The following ADAMTS9 variants were observed in gnomAD, a reference collection of about 807,000 sequenced individuals.
The protein encoded by ADAMTS9 is A disintegrin and metalloproteinase with thrombospondin motifs 9.
In ADAMTS9, 107 loss-of-function variants were observed where a neutral mutation model predicts 257.1. That is an observed-to-expected ratio of 0.42 (90% confidence interval 0.36 to 0.49). ADAMTS9 has a LOEUF of 0.49. Among genes scored for constraint, ADAMTS9 ranks in the 20% least tolerant of loss-of-function variants. The pLI, the probability that ADAMTS9 is intolerant of heterozygous loss-of-function variation, is 0.03. For missense variants in ADAMTS9, 2,353 were observed against 2,469.1 expected (o/e 0.95, Z 1.00); for synonymous variants, 982 against 880.9 (o/e 1.11, Z -2.03).
chr3:64,525,896 A>T (rs948142370), intron 38 of ADAMTS9, among the ~76,000 whole-genome samples: 11 of 148,928 alleles, frequency 7.4e-5, no homozygotes, highest in South Asian at 2.1e-4. Context: ...GCCAAGTTAT[A>T]GTATTTAATA....
At position 64,647,972 on chromosome 3, in the gene ADAMTS9, A is replaced by G; in HGVS notation, c.1678T>C (p.Trp560Arg). Reference protein sequence around the residue: ...HKGCRTQHTPWADGTECEPGK... With the variant: ...HKGCRTQHTPRADGTECEPGK... Reference sequence around the variant, plus strand: ...GGCTCGCACTCCGTCCCATCGGCCCAGGGTGTGTGCTGAGTCCGGCAGCCT... The same window carrying G: ...GGCTCGCACTCCGTCCCATCGGCCCGGGGTGTGTGCTGAGTCCGGCAGCCT... Residue 560 changes from tryptophan (W) to arginine (R), a missense_variant, in exon 11 of 40, where the codon TGG becomes CGG. This residue lies in a region of ADAMTS9 where 360 missense variants were observed against 458.1 expected (regional missense o/e 0.79). Transcript: ENST00000498707. 1 of 1,613,934 alleles carries G rather than the reference A, an allele frequency of 6.2e-7. No individual in the cohort carries two copies. The highest frequency in any genetic ancestry group is 8.5e-7 in the Non-Finnish European group (1 of 1,179,992).
At chr3:64,555,810 A>T (rs1326831280) in intron 30 of ADAMTS9, among the ~76,000 whole-genome samples, 2 of 152,116 alleles carry the variant, frequency 1.3e-5, no homozygotes, top group Non-Finnish European at 2.9e-5. Flanking sequence ...GAGAAATGGC[A>T]TGGGTGGAGA....
intron 28 of ADAMTS9, among the ~76,000 whole-genome samples, chr3:64,593,673 G>C (rs541594910): frequency 1.9e-4 from 29 of 152,202 alleles, no homozygotes; most frequent in Non-Finnish European, 2.4e-4. Context: ...CTGTGCAAGA[G>C]AGAGAACATT....
intron 9 of ADAMTS9, chr3:64,650,382 C>T (rs1179482718): frequency 1.3e-5 from 2 of 152,634 alleles, no homozygotes; most frequent in Non-Finnish European, 1.5e-5. Flanking sequence ...CTTAACCTTT[C>T]ATACTTCTGA....
intron 23 of ADAMTS9, 147 bp from the exon 24 acceptor site, chr3:64,604,478 T>C: frequency 1.8e-6 from 1 of 561,414 alleles, no homozygotes; most frequent in Non-Finnish European, 3.1e-6. Flanking sequence ...ATGACATCTC[T>C]CAGTCCCAAT....
chr3:64,654,751 G>C, intron 6 of ADAMTS9, 139 bp from the exon 7 acceptor site: 1 of 881,068 alleles, frequency 1.1e-6, no homozygotes, highest in Non-Finnish European at 1.7e-6. Context: ...CATAAGACCA[G>C]AGTTTCAAAA....
At chr3:64,572,855 G>A (rs1559770820) in intron 28 of ADAMTS9, among the ~76,000 whole-genome samples, 3 of 151,966 alleles carry the variant, frequency 2.0e-5, no homozygotes, top group African/African-American at 7.3e-5. Context: ...CGAGGCAGGC[G>A]GATCACAAGG....
chr3:64,517,415 G>GTTTTTTTTTTTT (rs1242670245), intron 39 of ADAMTS9, among the ~76,000 whole-genome samples: 2 of 11,544 alleles, frequency 1.7e-4, no homozygotes, highest in Non-Finnish European at 3.0e-4. Flanking sequence ...AATTAAAAAT[G>GTTTTTTTTTTTT]GTTTTTTTTT....
At chr3:64,523,455 G>C (rs1275487186) in intron 38 of ADAMTS9, among the ~76,000 whole-genome samples, 1 of 152,172 alleles carries the variant, frequency 6.6e-6, no homozygotes, top group African/African-American at 2.4e-5. Flanking sequence ...AAGTACAGGT[G>C]AGAATATTTC....
intron 16 of ADAMTS9, among the ~76,000 whole-genome samples, chr3:64,627,514 G>C (rs1700253705): frequency 6.6e-6 from 1 of 152,156 alleles, no homozygotes; most frequent in Non-Finnish European, 1.5e-5. Context: ...CTTCTAAAGA[G>C]ATACGAACAT....
At chr3:64,630,872 T>C (rs935982132) in intron 16 of ADAMTS9, among the ~76,000 whole-genome samples, 5 of 152,172 alleles carry the variant, frequency 3.3e-5, no homozygotes, top group African/African-American at 9.7e-5. Flanking sequence ...GTGGTTTAAA[T>C]ATAAGGAATA....
At chr3:64,598,033 CT>C (rs752650383) in intron 26 of ADAMTS9, among the ~76,000 whole-genome samples, 10 of 152,262 alleles carry the variant, frequency 6.6e-5, no homozygotes, top group Non-Finnish European at 1.0e-4. Context: ...AACATTGCTT[CT>C]TGCTGGTCAT....
rs1291216226 is a variant in ADAMTS9 at position 64,529,583 on chromosome 3, C to T, written c.5718+3583G>A. On this transcript the variant is annotated intron_variant, in intron 38 of 39. Transcript: ENST00000498707. ...GGCCACAGGCCCTCGGGGGCCAGAT[C>T]GTAGTAGGTATCGAGTGGGAACAGG... Among the ~76,000 whole-genome samples, 4 of 152,138 alleles carry T rather than the reference C, an allele frequency of 2.6e-5. No homozygotes were observed. The South Asian group carries it at 8.3e-4, about 32-fold the overall frequency.
chr3:64,530,494 C>G (rs13094894), intron 38 of ADAMTS9, among the ~76,000 whole-genome samples: 107,597 of 145,902 alleles, frequency 0.74, 41,853 homozygotes, highest in Non-Finnish European at 0.86. Flanking sequence ...TTTGAGCTCA[C>G]ACTCTCTGAA....
In ADAMTS9 at chr3:64,516,925, C is replaced by G. The variant is rs1207367304; in HGVS notation, c.*202G>C. 2.6e-5 allele frequency: 4 copies of G among 152,458 alleles called. No homozygotes were observed. Among genetic ancestry groups the G allele is most frequent in the African/African-American group, 9.7e-5 (4 of 41,392 alleles). The allele number at this position is 152,458 out of a possible 1,614,324, so 9.4% of individuals were successfully genotyped here. On this transcript the variant is annotated 3_prime_UTR_variant, in exon 40 of 40. Coordinates refer to ENST00000498707, the MANE Select transcript of ADAMTS9 (RefSeq NM_182920.2). ...TTAAACTTTACATCATTAGGATAGT[C>G]TACATATCTACATACACACATATAT... is the stretch of plus-strand genomic sequence containing the variant.
chr3:64,627,715 C>T lies in ADAMTS9; in HGVS notation c.2389+3740G>A, dbSNP rs114638209. On this transcript the variant is annotated intron_variant, in intron 16 of 39. Coordinates refer to ENST00000498707, the MANE Select transcript of ADAMTS9 (RefSeq NM_182920.2). ...TAATTTCCTGGGTTGGTTTCCCTCC[C>T]ATTGCACCCATCAGAGCTGGGTTGC... 2.0e-3 allele frequency among the ~76,000 whole-genome samples: 300 copies of T among 152,230 alleles called. 3 individuals are homozygous for T. Among genetic ancestry groups the T allele is most frequent in the African/African-American group, 7.1e-3 (293 of 41,544 alleles).
At position 64,643,445 on chromosome 3, in the gene ADAMTS9, A is replaced by ATTTTTTTTTTTTTTTTTTT. The variant is rs57471985; in HGVS notation, c.1711-1471_1711-1453dup. 6.7e-4 allele frequency among the ~76,000 whole-genome samples: 41 copies of ATTTTTTTTTTTTTTTTTTT among 61,418 alleles called. 3 individuals carry two copies. Among genetic ancestry groups the ATTTTTTTTTTTTTTTTTTT allele is most frequent in the African/African-American group, 7.7e-4 (11 of 14,266 alleles). The allele number at this position is 61,418 out of a possible 152,430, so 40.3% of individuals were successfully genotyped here. On this transcript the variant is annotated intron_variant, in intron 11 of 39. Coordinates refer to ENST00000498707, the MANE Select transcript of ADAMTS9 (RefSeq NM_182920.2). Reference sequence around the variant, plus strand: ...GTAGTCAACATAACATTACTCAATAATTTTTTTTTTTTTTTTTTTTTTTTT... The same window carrying ATTTTTTTTTTTTTTTTTTT: ...GTAGTCAACATAACATTACTCAATAATTTTTTTTTTTTTTTTTTTTTTTTTTTTTTTTTTTTTTTTTTTT...
At position 64,603,932 on chromosome 3, in the gene ADAMTS9, T is replaced by G; in HGVS notation, c.3737A>C (p.Asp1246Ala). Residue 1246 changes from aspartate (D) to alanine (A), a missense_variant, in exon 25 of 40, where the codon GAC becomes GCC. By Grantham distance (126) the Asp-to-Ala change is moderately radical (BLOSUM62 -2). Around this residue, in one of 3 missense-constraint regions of ADAMTS9, gnomAD observed 1,402 missense variants for 1,441.4 expected, o/e 0.97. Transcript: ENST00000498707. ...AATCCACTGGCTTACAGAGCTCCAG[T>G]CCAAGGCCTTCCATTGCCCACAGGG... The part of the protein sequence containing the change: ...VTPCGQWKAL[D>A]WSSCSVTCGQ... 1 of 1,613,892 alleles carries G rather than the reference T, an allele frequency of 6.2e-7. No homozygotes were observed. The highest frequency in any genetic ancestry group is 8.5e-7 in the Non-Finnish European group (1 of 1,179,918).
At chr3:64,685,968 C>G (rs1701894156) in intron 2 of ADAMTS9, among the ~76,000 whole-genome samples, 2 of 152,226 alleles carry the variant, frequency 1.3e-5, no homozygotes, top group Non-Finnish European at 2.9e-5. Flanking sequence ...CCCCCAGAGC[C>G]CTCGGCCCAC....
Sources: allele counts gnomAD v4.1 joint callset (sites outside exome capture counted in the v4.1 genomes callset), GRCh38; gene constraint gnomAD v4.1.1; regional missense constraint gnomAD v4.1.1; transcripts MANE v1.5; gene names NCBI Gene and HGNC (gene_info 2026-07-23, HGNC 2026-07-21).